Variants in TECTA observed in about 807,000 individuals in gnomAD.
TECTA encodes the protein tectorin alpha, also known as alpha-tectorin.
A neutral mutation model predicts 216.8 loss-of-function variants in TECTA; 128 were observed. The ratio of observed to expected loss-of-function variants is 0.59; its 90% confidence interval spans 0.51 to 0.68. The LOEUF (loss-of-function observed/expected upper bound fraction) is 0.68, where lower values mean the gene tolerates loss of function less well. TECTA is among the 30% of genes least tolerant of loss of function. TECTA has a pLI of 0.00. For missense variants in TECTA, 2,551 were observed against 2,786.2 expected, an observed-to-expected ratio of 0.92 and a Z score of 1.90; for synonymous variants, 1,089 against 1,117.1, an observed-to-expected ratio of 0.97 and a Z score of 0.50.
chr11:121,139,686 T>C lies in TECTA; in HGVS notation c.3543+1664T>C, dbSNP rs142466584. 1.6e-4 allele frequency among the ~76,000 whole-genome samples: 20 copies of C among 125,472 alleles called. No homozygotes were observed. The East Asian group carries it at 3.5e-3, about 22-fold the overall frequency. 82.3% of individuals were successfully genotyped at this position (125,472 alleles called of 152,430 possible). A position where few individuals can be genotyped will look rare whatever the true frequency, so the allele number is the denominator to read the frequency against. ...GCCTGGACGACAGAGCAAGACTCTG[T>C]CTCAAAAAAAAAAAAATAATGAATG... On this transcript the variant is annotated intron_variant, in intron 11 of 23. Coordinates refer to ENST00000392793, the MANE Select transcript of TECTA (RefSeq NM_005422.4).
chr11:121,159,729 T>C (rs1042313785), intron 14 of TECTA, among the ~76,000 whole-genome samples: 22 of 152,214 alleles, frequency 1.4e-4, no homozygotes, highest in Admixed American at 1.2e-3. Context: ...CAGTCATTGG[T>C]TTATGCTGGG....
intron 20 of TECTA, among the ~76,000 whole-genome samples, chr11:121,174,438 A>G (rs1293909230): frequency 6.6e-6 from 1 of 152,150 alleles, no homozygotes; most frequent in Non-Finnish European, 1.5e-5. Context: ...TTCTGCATCT[A>G]TTGAGATAAT....
At chr11:121,188,132 A>T in intron 21 of TECTA, 138 bp downstream of exon 21, 1 of 854,222 alleles carries the variant, frequency 1.2e-6, no homozygotes, top group South Asian at 1.6e-5. Context: ...CTTTGATGGG[A>T]CAGTGAGAGA....
At chr11:121,125,093 C>T (rs1191039341) in intron 7 of TECTA, among the ~76,000 whole-genome samples, 1 of 152,268 alleles carries the variant, frequency 6.6e-6, no homozygotes, top group Non-Finnish European at 1.5e-5. Context: ...AGCCCATATA[C>T]ACAGTGCGTG....
intron 4 of TECTA, 83 bp from the exon 5 acceptor site, chr11:121,112,989 G>T: frequency 6.4e-7 from 1 of 1,571,118 alleles, no homozygotes; most frequent in Admixed American, 1.7e-5. Context: ...GGTGGGGAGG[G>T]CGCAGGGTGA....
chr11:121,142,837 CCT>C (rs1330884541), intron 11 of TECTA, among the ~76,000 whole-genome samples: 1 of 152,166 alleles, frequency 6.6e-6, no homozygotes, highest in African/African-American at 2.4e-5. Flanking sequence ...TCCTGTGCCA[CCT>C]CTTTGTTGCC....
At chr11:121,124,343 G>A (rs1946586301) in intron 7 of TECTA, among the ~76,000 whole-genome samples, 2 of 152,274 alleles carry the variant, frequency 1.3e-5, no homozygotes, top group South Asian at 4.1e-4. Context: ...TCCCTCTGTA[G>A]TCCAGTAACA....
At chr11:121,136,286 G>T (rs551093595) in intron 10 of TECTA, among the ~76,000 whole-genome samples, 12 of 152,108 alleles carry the variant, frequency 7.9e-5, no homozygotes, top group Non-Finnish European at 1.6e-4. Context: ...TTCAAGGAAG[G>T]CTTCTGGGAA....
chr11:121,134,260 G>A (rs995189598), intron 10 of TECTA, among the ~76,000 whole-genome samples: 2 of 151,856 alleles, frequency 1.3e-5, no homozygotes, highest in African/African-American at 4.8e-5. Flanking sequence ...AGGTGTCCCT[G>A]TTGCTGTTGG....
At chr11:121,142,714 C>T (rs1946796260) in intron 11 of TECTA, among the ~76,000 whole-genome samples, 1 of 152,134 alleles carries the variant, frequency 6.6e-6, no homozygotes, top group Non-Finnish European at 1.5e-5. Context: ...GATCTCACTC[C>T]TCCTCTCACC....
chr11:121,119,661 G>A (rs568891077), intron 7 of TECTA, among the ~76,000 whole-genome samples: 2 of 152,306 alleles, frequency 1.3e-5, no homozygotes, highest in East Asian at 1.9e-4. Flanking sequence ...TCATTACAGA[G>A]ATTACAAACC....
At position 121,137,874 on chromosome 11, in the gene TECTA, G is replaced by A. The variant is rs746919409; in HGVS notation, c.3395G>A (p.Arg1132Lys). 3.1e-6 allele frequency: 5 copies of A among 1,604,172 alleles called. No homozygotes were observed. Among genetic ancestry groups the A allele is most frequent in the Non-Finnish European group, 4.3e-6 (5 of 1,172,288 alleles). Reference protein sequence around the residue: ...CPLILCTTGSRPSSDSFPKFV... With the variant: ...CPLILCTTGSKPSSDSFPKFV... Reference sequence around the variant, plus strand: ...CTCATCCTGTGCACCACAGGAAGCAGGCCAAGCTCAGACTCTTTCCCCAAG... The same window carrying A: ...CTCATCCTGTGCACCACAGGAAGCAAGCCAAGCTCAGACTCTTTCCCCAAG... Residue 1132 changes from arginine to lysine, a missense_variant, in exon 11 of 24, where the codon AGG becomes AAG. Transcript: ENST00000392793.
chr11:121,166,248 G>A lies in TECTA; in HGVS notation c.5384-330G>A, dbSNP rs1291541395. ...GCATGTTCTTCAGCCAGGCCACAATGTGCCAGATTTGGCATGTTCAGTATG... is the reference window on the plus strand; with the variant it reads ...GCATGTTCTTCAGCCAGGCCACAATATGCCAGATTTGGCATGTTCAGTATG... On this transcript the variant is annotated intron_variant, in intron 17 of 23. Coordinates refer to ENST00000392793, the MANE Select transcript of TECTA (RefSeq NM_005422.4). Among the ~76,000 whole-genome samples, 6 of 152,216 alleles carry A rather than the reference G, an allele frequency of 3.9e-5. No individual in the cohort carries two copies. The South Asian group carries it at 8.3e-4, about 21-fold the overall frequency.
rs1464676965 is a variant in TECTA, at chr11:121,168,894, G to A, written c.5968G>A (p.Asp1990Asn). ...CYATPTRDSNDKLRYFIIEGG... is the reference protein window; with the variant it reads ...CYATPTRDSNNKLRYFIIEGG... ...TGCCACACCCACCCGAGATAGCAAT[G>A]ATAAGCTCCGATATTTCATCATTGA... is the stretch of plus-strand genomic sequence containing the variant. The change falls in exon 20 of 24, where the codon GAT becomes AAT. Residue 1990 changes from aspartate to asparagine, a missense_variant. Physicochemically the swap from Asp to Asn is conservative, Grantham distance 23. Around this residue, in one of 3 missense-constraint regions of TECTA, gnomAD observed 58 missense variants for 105.9 expected, o/e 0.55. Coordinates refer to ENST00000392793, the MANE Select transcript of TECTA (RefSeq NM_005422.4). 6.2e-7 allele frequency: 1 copy of A among 1,614,134 alleles called. No homozygotes were observed. Among genetic ancestry groups the A allele is most frequent in the East Asian group, 2.2e-5 (1 of 44,882 alleles).
At chr11:121,137,240 G>A (rs572915928) in intron 10 of TECTA, among the ~76,000 whole-genome samples, 181 bp from the exon 11 acceptor site, 142 of 150,770 alleles carry the variant, frequency 9.4e-4, no homozygotes, top group Middle Eastern at 3.5e-3. Flanking sequence ...ACATGCACTC[G>A]CACACACGCA....
intron 20 of TECTA, among the ~76,000 whole-genome samples, chr11:121,181,917 A>G (rs1033997410): frequency 3.3e-5 from 5 of 152,144 alleles, no homozygotes; most frequent in African/African-American, 1.2e-4. Context: ...AGATGTATCT[A>G]TAGTGTTGGT....
chr11:121,132,370 T>G (rs1041325438), intron 10 of TECTA, among the ~76,000 whole-genome samples: 1 of 152,230 alleles, frequency 6.6e-6, no homozygotes, highest in African/African-American at 2.4e-5. Flanking sequence ...CATCATTCGT[T>G]GCTTTCCACG....
At chr11:121,171,853 T>A (rs1474527425) in intron 20 of TECTA, among the ~76,000 whole-genome samples, 1 of 152,208 alleles carries the variant, frequency 6.6e-6, no homozygotes, top group African/African-American at 2.4e-5. Flanking sequence ...TCATGTTATC[T>A]GCAAAGGGAC....
chr11:121,120,690 G>A (rs992491639), intron 7 of TECTA, among the ~76,000 whole-genome samples: 1 of 152,194 alleles, frequency 6.6e-6, no homozygotes, highest in South Asian at 2.1e-4. Context: ...AAACAGTTTA[G>A]GATTAGATAT....
Sources: allele counts gnomAD v4.1 joint callset (sites outside exome capture counted in the v4.1 genomes callset), GRCh38; gene constraint gnomAD v4.1.1; regional missense constraint gnomAD v4.1.1; transcripts MANE v1.5; gene names NCBI Gene and HGNC (gene_info 2026-07-23, HGNC 2026-07-21).